Variants in PRR16 observed in about 807,000 individuals in gnomAD.
PRR16 encodes proline rich 16.
Under a neutral mutation model 18.2 loss-of-function variants are expected in PRR16, and 6 were observed. The observed-to-expected ratio is 0.33, with a 90% confidence interval of 0.18 to 0.65. The LOEUF is 0.65. Among genes scored for constraint, PRR16 ranks in the 30% least tolerant of loss-of-function variants. PRR16 has a pLI of 0.74. For synonymous variants in PRR16, 151 were observed against 147.8 expected, an observed-to-expected ratio of 1.02 and a Z score of -0.16; for missense variants, 412 against 376.6, an observed-to-expected ratio of 1.09 and a Z score of -0.78.
rs1392715058 is a variant in PRR16, at chr5:120,575,852, G to T, written c.160-110102G>T. 2.0e-5 allele frequency among the ~76,000 whole-genome samples: 3 copies of T among 152,166 alleles called. No individual in the cohort carries two copies. The South Asian group carries it at 6.2e-4, about 31-fold the overall frequency. ...AAACATTCAAATTAGCAAGGAGGAA[G>T]TCAAATTATTCCTGTTTGTAAACAC... On this transcript the variant is annotated intron_variant, in intron 1 of 1. Transcript: ENST00000407149.
the PRR16 span, among the ~76,000 whole-genome samples, chr5:120,788,745 G>A: frequency 6.6e-6 from 1 of 151,926 alleles, no homozygotes; most frequent in Admixed American, 6.6e-5. Context: ...TATCTTTCAT[G>A]AACACCTTTA....
At chr5:120,606,053 G>T (rs1441638947) in intron 1 of PRR16, among the ~76,000 whole-genome samples, 1 of 152,192 alleles carries the variant, frequency 6.6e-6, no homozygotes, top group Non-Finnish European at 1.5e-5. Flanking sequence ...GCAGTTGTGG[G>T]TGCATTTGTG....
chr5:120,776,781 G>T, the PRR16 span, among the ~76,000 whole-genome samples: 2 of 151,810 alleles, frequency 1.3e-5, no homozygotes, highest in African/African-American at 4.8e-5. Flanking sequence ...GCAGAATAGG[G>T]TCAAAATTAA....
Position 120,491,572 on chromosome 5 carries a change from C to A in PRR16, c.159+26927C>A, listed in dbSNP as rs865821121. 3.6e-4 allele frequency among the ~76,000 whole-genome samples: 54 copies of A among 151,506 alleles called. 1 individual carries two copies. Among genetic ancestry groups the A allele is most frequent in the African/African-American group, 1.3e-3 (53 of 41,276 alleles). On this transcript the variant is annotated intron_variant, in intron 1 of 1. Transcript: ENST00000407149. ...TTTTCTCTTCCTTACATGATGGAGT[C>A]TTGCCCTGTGGCCCAAGCTGGAGTG...
At chr5:120,688,265 A>C (rs187817842), downstream of PRR16, among the ~76,000 whole-genome samples, 6 of 152,334 alleles carry the variant, frequency 3.9e-5, no homozygotes, top group Non-Finnish European at 7.4e-5. Flanking sequence ...TGAAGGAACA[A>C]TCAAATGAGT....
chr5:120,760,058 T>A, the PRR16 span, among the ~76,000 whole-genome samples: 1 of 152,126 alleles, frequency 6.6e-6, no homozygotes, highest in Non-Finnish European at 1.5e-5. Flanking sequence ...GACCTAAATA[T>A]GCGTACTTGT....
At chr5:120,548,537 G>A (rs1016049308) in intron 1 of PRR16, among the ~76,000 whole-genome samples, 4 of 152,152 alleles carry the variant, frequency 2.6e-5, no homozygotes, top group Admixed American at 2.6e-4. Flanking sequence ...GAAGTGTCTA[G>A]AAAAATAACA....
the PRR16 span, among the ~76,000 whole-genome samples, chr5:120,765,071 CAT>C: frequency 6.6e-6 from 1 of 151,828 alleles, no homozygotes; most frequent in South Asian, 2.1e-4. Context: ...TGAAACCTGA[CAT>C]ATTTATTTTG....
the PRR16 span, among the ~76,000 whole-genome samples, chr5:120,766,047 A>AC: frequency 6.6e-6 from 1 of 152,028 alleles, no homozygotes; most frequent in Non-Finnish European, 1.5e-5. Flanking sequence ...GTTTAGGGCT[A>AC]TTATAAACAG....
chr5:120,709,511 G>GT, the PRR16 span, among the ~76,000 whole-genome samples: 1 of 151,702 alleles, frequency 6.6e-6, no homozygotes, highest in African/African-American at 2.4e-5. Context: ...AGATCTTCCA[G>GT]TTTTTTTAAA....
At chr5:120,625,962 T>A (rs2112829986) in intron 1 of PRR16, among the ~76,000 whole-genome samples, 1 of 152,210 alleles carries the variant, frequency 6.6e-6, no homozygotes, top group South Asian at 2.1e-4. Flanking sequence ...TAGTACAATA[T>A]TGAACTGGTT....
intron 1 of PRR16, among the ~76,000 whole-genome samples, chr5:120,476,614 T>C (rs1038841261): frequency 4.6e-5 from 7 of 152,140 alleles, no homozygotes; most frequent in Non-Finnish European, 8.8e-5. Flanking sequence ...TCTACTTGTG[T>C]GTGAGAGCCT....
At chr5:120,640,470 C>T (rs1755385531) in intron 1 of PRR16, among the ~76,000 whole-genome samples, 1 of 152,068 alleles carries the variant, frequency 6.6e-6, no homozygotes, top group Non-Finnish European at 1.5e-5. Context: ...GGTGGTCATT[C>T]TAATATAATG....
chr5:120,667,369 T>A (rs374072746), intron 1 of PRR16, among the ~76,000 whole-genome samples: 1 of 152,032 alleles, frequency 6.6e-6, no homozygotes, highest in Non-Finnish European at 1.5e-5. Flanking sequence ...GTCTTGCTAG[T>A]GGTCTATCAA....
the PRR16 span, among the ~76,000 whole-genome samples, chr5:120,693,525 G>T: frequency 6.6e-6 from 1 of 152,198 alleles, no homozygotes; most frequent in East Asian, 1.9e-4. Context: ...CAAGTCTGCA[G>T]TCTTCAGAGT....
At chr5:120,607,194 A>G (rs1754182195) in intron 1 of PRR16, among the ~76,000 whole-genome samples, 1 of 152,202 alleles carries the variant, frequency 6.6e-6, no homozygotes, top group African/African-American at 2.4e-5. Flanking sequence ...ATAATTTAAA[A>G]CAACATTGTT....
At chr5:120,671,509 A>G (rs1165638220) in intron 1 of PRR16, among the ~76,000 whole-genome samples, 2 of 152,128 alleles carry the variant, frequency 1.3e-5, no homozygotes, top group African/African-American at 4.8e-5. Flanking sequence ...GATATGAAGG[A>G]GAGGATAGAG....
At chr5:120,744,024 TATCTTC>T in the PRR16 span, among the ~76,000 whole-genome samples, 3 of 152,108 alleles carry the variant, frequency 2.0e-5, no homozygotes, top group African/African-American at 7.2e-5. Context: ...TTTATAACTT[TATCTTC>T]AAGAGACTGT....
At chr5:120,687,806 A>G (rs992561276), downstream of PRR16, among the ~76,000 whole-genome samples, 3 of 152,186 alleles carry the variant, frequency 2.0e-5, no homozygotes, top group Non-Finnish European at 4.4e-5. Context: ...TCCTTCTAAC[A>G]TCAAATAAAA....
Sources: gnomAD v4.1 joint callset for allele counts (sites outside exome capture counted in the v4.1 genomes callset) on GRCh38, gnomAD v4.1.1 for gene constraint, MANE v1.5 for transcripts, NCBI Gene and HGNC (gene_info 2026-07-23, HGNC 2026-07-21) for gene names.